Variants in GPATCH3 observed in about 807,000 individuals in gnomAD.
The protein encoded by GPATCH3 is G-patch domain containing 3.
In GPATCH3, 45 loss-of-function variants were observed where a neutral mutation model predicts 53.2. The observed-to-expected ratio is 0.85, with a 90% confidence interval of 0.67 to 1.08. GPATCH3 has a LOEUF of 1.08. GPATCH3 is among the 50% of genes least tolerant of loss of function. The pLI, the probability that GPATCH3 is intolerant of heterozygous loss-of-function variation, is 0.00. For synonymous variants in GPATCH3, 280 were observed against 270.6 expected (o/e 1.03, Z -0.34); for missense variants, 680 against 687.2 (o/e 0.99, Z 0.12).
intron 3 of GPATCH3, among the ~76,000 whole-genome samples, chr1:26,893,722 T>C (rs1240379871): frequency 6.6e-6 from 1 of 152,082 alleles, no homozygotes; most frequent in African/African-American, 2.4e-5. Context: ...GGTTTCACCA[T>C]GTTGGCCAGG....
At chr1:26,893,647 A>G (rs1454055108) in intron 3 of GPATCH3, among the ~76,000 whole-genome samples, 199 bp from the exon 4 acceptor site, 1 of 150,174 alleles carries the variant, frequency 6.7e-6, no homozygotes, top group Non-Finnish European at 1.5e-5. Flanking sequence ...CAGCCTCCCA[A>G]GTAGCTGGGA....
rs936459069 is a variant in GPATCH3, at chr1:26,890,943, C to A, written c.*67G>T. On this transcript the variant is annotated 3_prime_UTR_variant, in exon 7 of 7. Coordinates refer to ENST00000361720, the MANE Select transcript of GPATCH3 (RefSeq NM_022078.3). ...GCTGCTCCCAGACTCCTTTCTGCTTCAGTGGTAGATGAGGCCAGGGCAGAG... is the reference window on the plus strand; with the variant it reads ...GCTGCTCCCAGACTCCTTTCTGCTTAAGTGGTAGATGAGGCCAGGGCAGAG... 7.1e-7 allele frequency: 1 copy of A among 1,405,638 alleles called. No individual in the cohort carries two copies. The highest frequency in any genetic ancestry group is 2.3e-5 in the East Asian group (1 of 43,884). 87.1% of individuals were successfully genotyped at this position (1,405,638 alleles called of 1,614,324 possible).
At chr1:26,895,710 T>C (rs2081948264) in intron 2 of GPATCH3, among the ~76,000 whole-genome samples, 1 of 147,432 alleles carries the variant, frequency 6.8e-6, no homozygotes, top group Non-Finnish European at 1.5e-5. Context: ...CGATCTCAGC[T>C]CACTGCAACC....
chr1:26,896,543 A>T (rs572233368), intron 2 of GPATCH3, among the ~76,000 whole-genome samples: 23 of 131,672 alleles, frequency 1.7e-4, no homozygotes, highest in East Asian at 1.4e-3. Flanking sequence ...TAAAAAAAAA[A>T]AAAAAAATTA....
chr1:26,893,251 A>T, intron 4 of GPATCH3, 138 bp downstream of exon 4: 1 of 756,246 alleles, frequency 1.3e-6, no homozygotes, highest in Non-Finnish European at 2.4e-6. Flanking sequence ...AAGATGTTTT[A>T]AGAGGAACCC....
intron 2 of GPATCH3, 149 bp from the exon 3 acceptor site, chr1:26,894,559 AAC>A: frequency 1.4e-6 from 1 of 728,112 alleles, no homozygotes; most frequent in Non-Finnish European, 2.3e-6. Flanking sequence ...GCCCCTGACC[AAC>A]ACGTCTCCAG....
rs1176247052 is a variant in GPATCH3, at chr1:26,891,024, A to AG, written c.1563dup (p.Ser522LeufsTer4). Reference sequence around the variant, plus strand: ...CCCCAACCCGGTCAGTCAGGCAATGAGGGGCTGTCTGAAGCACAACTGGAA... The same window carrying AG: ...CCCCAACCCGGTCAGTCAGGCAATGAGGGGGCTGTCTGAAGCACAACTGGAA... On this transcript the variant is annotated frameshift_variant, in exon 7 of 7. Transcript: ENST00000361720. LOFTEE classifies it high-confidence loss of function. 6.2e-7 allele frequency: 1 copy of AG among 1,613,932 alleles called. No homozygotes were observed. The highest frequency in any genetic ancestry group is 1.3e-5 in the African/African-American group (1 of 74,912).
Position 26,890,896 on chromosome 1 carries a change from C to G in GPATCH3, c.*114G>C, listed in dbSNP as rs763354905. On this transcript the variant is annotated 3_prime_UTR_variant, in exon 7 of 7. Coordinates refer to ENST00000361720, the MANE Select transcript of GPATCH3 (RefSeq NM_022078.3). Reference sequence around the variant, plus strand: ...AGGCAGGCAGGCTCGGAACAAAACACCCTGAACCAGCCACGAAGACTGCTG... The same window carrying G: ...AGGCAGGCAGGCTCGGAACAAAACAGCCTGAACCAGCCACGAAGACTGCTG... 6 of 1,044,200 alleles carry G rather than the reference C, an allele frequency of 5.7e-6. No homozygotes were observed. In the South Asian group the frequency reaches 7.6e-5, roughly 13 times the overall value. 64.7% of individuals were successfully genotyped at this position (1,044,200 alleles called of 1,614,324 possible). A position where few individuals can be genotyped will look rare whatever the true frequency, so the allele number is the denominator to read the frequency against.
In GPATCH3 at chr1:26,897,419, G is replaced by C; in HGVS notation, c.758C>G (p.Thr253Arg). ...ETVEQEELVY[T>R]AEGEEIPQGT... ...TTGGGGTATTTCTTCACCCTCTGCT[G>C]TATACACAAGCTCTTCCTGCTCCAC... Residue 253 changes from threonine (T) to arginine (R), a missense_variant, in exon 2 of 7, where the codon ACA becomes AGA. By Grantham distance (71) the Thr-to-Arg change is moderately conservative (BLOSUM62 -1). Coordinates refer to ENST00000361720, the MANE Select transcript of GPATCH3 (RefSeq NM_022078.3). 1 of 1,614,178 alleles carries C rather than the reference G, an allele frequency of 6.2e-7. No individual in the cohort carries two copies. Among genetic ancestry groups the C allele is most frequent in the Non-Finnish European group, 8.5e-7 (1 of 1,180,034 alleles).
chr1:26,899,910 C>G, intron 1 of GPATCH3, 82 bp downstream of exon 1: 2 of 1,298,800 alleles, frequency 1.5e-6, no homozygotes, highest in Non-Finnish European at 1.1e-6. Context: ...AACCAGAGGC[C>G]TGACTTATCC....
intron 6 of GPATCH3, 45 bp from the exon 7 acceptor site, chr1:26,891,271 C>A: frequency 6.7e-7 from 1 of 1,487,090 alleles, no homozygotes; most frequent in Non-Finnish European, 9.3e-7. Context: ...TCTCAAACTC[C>A]AGTTAAAGGG....
chr1:26,893,333 A>G (rs1483420136), intron 4 of GPATCH3, 56 bp downstream of exon 4: 9 of 1,350,146 alleles, frequency 6.7e-6, no homozygotes, highest in Non-Finnish European at 8.5e-6. Flanking sequence ...GTAAAGTGTC[A>G]CTGCAAGGCC....
intron 2 of GPATCH3, among the ~76,000 whole-genome samples, chr1:26,896,377 C>T (rs896744910): frequency 1.1e-4 from 17 of 151,228 alleles, no homozygotes; most frequent in African/African-American, 2.2e-4. Flanking sequence ...CTTCTGTGCC[C>T]GGCTGGAAAT....
At chr1:26,892,911 C>A in intron 4 of GPATCH3, 120 bp from the exon 5 acceptor site, 2 of 1,256,804 alleles carry the variant, frequency 1.6e-6, no homozygotes, top group African/African-American at 1.5e-5. Flanking sequence ...GTATCTCTCT[C>A]ATTAGACTGG....
intron 4 of GPATCH3, chr1:26,892,998 G>A: frequency 1.6e-6 from 1 of 607,536 alleles, no homozygotes; most frequent in Non-Finnish European, 2.9e-6. Context: ...AAGTAACAGA[G>A]CCAACAAATG....
rs980562120 is a variant in GPATCH3 at position 26,894,487 on chromosome 1, G to C, written c.877-77C>G. 5.8e-6 allele frequency: 8 copies of C among 1,368,260 alleles called. No individual in the cohort carries two copies. In the African/African-American group the frequency reaches 1.2e-4, roughly 20 times the overall value. The allele number at this position is 1,368,260 out of a possible 1,614,324, so 84.8% of individuals were successfully genotyped here. ...AGGGAGGGAAGCTCAGGGCACAGGA[G>C]GCATGTGTGGCTAGCCTCAGCGCCA... is the stretch of plus-strand genomic sequence containing the variant. On this transcript the variant is annotated intron_variant, in intron 2 of 6. Transcript: ENST00000361720.
At chr1:26,897,232 G>A (rs1471486149) in intron 2 of GPATCH3, 69 bp downstream of exon 2, 2 of 1,438,528 alleles carry the variant, frequency 1.4e-6, no homozygotes, top group Non-Finnish European at 1.9e-6. Context: ...GACAATTGAA[G>A]AGTGGTATTA....
chr1:26,894,165 C>A, intron 3 of GPATCH3, 71 bp downstream of exon 3: 1 of 1,477,822 alleles, frequency 6.8e-7, no homozygotes, highest in South Asian at 1.2e-5. Context: ...CAGAATCTAC[C>A]GTGTGGAACA....
intron 4 of GPATCH3, 170 bp from the exon 5 acceptor site, chr1:26,892,961 T>C (rs1378924880): frequency 1.4e-6 from 1 of 724,310 alleles, no homozygotes; most frequent in Non-Finnish European, 2.3e-6. Flanking sequence ...TCCCCAATCA[T>C]ACAGATGAGA....
Sources: allele counts gnomAD v4.1 joint callset (sites outside exome capture counted in the v4.1 genomes callset), GRCh38; gene constraint gnomAD v4.1.1; transcripts MANE v1.5; gene names NCBI Gene and HGNC (gene_info 2026-07-23, HGNC 2026-07-21).